Variants in ZNF704 observed in about 807,000 individuals in gnomAD.
ZNF704 encodes zinc finger protein 704.
Under a neutral mutation model 44.7 loss-of-function variants are expected in ZNF704, and 10 were observed. The observed-to-expected ratio is 0.22, with a 90% confidence interval of 0.14 to 0.38. The LOEUF is 0.38. Among genes scored for constraint, ZNF704 ranks in the 10% least tolerant of loss-of-function variants. ZNF704 has a pLI of 1.00. For missense variants in ZNF704, 390 were observed against 545.5 expected (o/e 0.71, Z 2.84); for synonymous variants, 211 against 207.6 (o/e 1.02, Z -0.14).
At chr8:80,702,682 G>T (rs1319982254) in intron 2 of ZNF704, among the ~76,000 whole-genome samples, 1 of 152,158 alleles carries the variant, frequency 6.6e-6, no homozygotes, top group Non-Finnish European at 1.5e-5. Context: ...CAAAAGCGAA[G>T]GCGAGATGGA....
the ZNF704 span, among the ~76,000 whole-genome samples, chr8:80,881,850 C>A: frequency 6.6e-6 from 1 of 152,130 alleles, no homozygotes; most frequent in Non-Finnish European, 1.5e-5. Flanking sequence ...ATCACTTAAA[C>A]CTGGGTGGTG....
intron 2 of ZNF704, among the ~76,000 whole-genome samples, chr8:80,710,588 G>T (rs1028428357): frequency 5.9e-5 from 9 of 152,120 alleles, no homozygotes; most frequent in Admixed American, 2.0e-4. Context: ...TTTCGATGAG[G>T]TCATGAAGGT....
intron 4 of ZNF704, among the ~76,000 whole-genome samples, chr8:80,685,686 G>A (rs938741637): frequency 1.3e-5 from 2 of 152,220 alleles, no homozygotes; most frequent in African/African-American, 4.8e-5. Flanking sequence ...CTGCCTCTGG[G>A]AAGGTCAGGG....
chr8:80,836,815 A>T (rs1219622568), intron 1 of ZNF704, among the ~76,000 whole-genome samples: 1 of 152,118 alleles, frequency 6.6e-6, no homozygotes, highest in Non-Finnish European at 1.5e-5. Flanking sequence ...ACTAAACAGA[A>T]TTATCTTTCT....
At chr8:80,795,544 T>C (rs1807783899) in intron 2 of ZNF704, among the ~76,000 whole-genome samples, 1 of 151,642 alleles carries the variant, frequency 6.6e-6, no homozygotes, top group African/African-American at 2.4e-5. Context: ...TTATGTTAAG[T>C]TAAAAAAAAA....
chr8:80,773,290 T>C (rs1231865047), intron 2 of ZNF704, among the ~76,000 whole-genome samples: 1 of 152,238 alleles, frequency 6.6e-6, no homozygotes, highest in Non-Finnish European at 1.5e-5. Context: ...TCCCTTTGTA[T>C]AGCTTTCTTT....
Position 80,645,215 on chromosome 8 carries a change from C to T in ZNF704, c.1033-2086G>A, listed in dbSNP as rs117370142. The T allele has an allele frequency of 4.2e-3, 6,452 of 1,548,058 alleles. 25 individuals are homozygous for T. Among genetic ancestry groups the T allele is most frequent in the South Asian group, 4.7e-3 (395 of 83,996 alleles). ...GCCTTCAGCCCCGCGCCGCCAACCT[C>T]CCGGAAAAAGAATGTTTCAACTAAT... is the stretch of plus-strand genomic sequence containing the variant. On this transcript the variant is annotated intron_variant, in intron 7 of 8. Coordinates refer to ENST00000327835, the MANE Select transcript of ZNF704 (RefSeq NM_001033723.3).
intron 2 of ZNF704, among the ~76,000 whole-genome samples, chr8:80,752,819 G>A (rs1348773464): frequency 2.0e-5 from 3 of 152,176 alleles, no homozygotes; most frequent in African/African-American, 7.2e-5. Flanking sequence ...GGGATTACAG[G>A]CATGAGCCAC....
chr8:80,692,092 T>C (rs187813450), intron 3 of ZNF704, among the ~76,000 whole-genome samples: 190 of 152,286 alleles, frequency 1.2e-3, no homozygotes, highest in Middle Eastern at 6.8e-3. Context: ...AGTGCTCCCA[T>C]AGCCTCAGCA....
chr8:80,684,291 A>G (rs771408944), intron 4 of ZNF704, among the ~76,000 whole-genome samples: 1 of 152,202 alleles, frequency 6.6e-6, no homozygotes, highest in South Asian at 2.1e-4. Context: ...TAAGAAATAC[A>G]TTTTGCACAG....
At chr8:80,839,619 A>G (rs16908073) in intron 1 of ZNF704, among the ~76,000 whole-genome samples, 3,792 of 152,332 alleles carry the variant, frequency 0.025, 74 homozygotes, top group Non-Finnish European at 0.04. Context: ...TATATAAGAG[A>G]GTAGATAGAA....
chr8:80,883,523 A>T, the ZNF704 span, among the ~76,000 whole-genome samples: 7 of 152,242 alleles, frequency 4.6e-5, no homozygotes, highest in East Asian at 1.3e-3. Context: ...TAGAAGTTTT[A>T]ATTTTATTTA....
chr8:80,701,116 G>A (rs1261864237), intron 2 of ZNF704, among the ~76,000 whole-genome samples: 10 of 151,980 alleles, frequency 6.6e-5, no homozygotes, highest in Admixed American at 6.6e-4. Flanking sequence ...CTGCTCCACT[G>A]GCCCAGAAGA....
intron 1 of ZNF704, among the ~76,000 whole-genome samples, chr8:80,865,118 T>C (rs540519628): frequency 1.2e-4 from 19 of 152,172 alleles, no homozygotes; most frequent in Non-Finnish European, 2.4e-4. Context: ...AATAAGGAGG[T>C]TGTAACAGTC....
At chr8:80,818,441 C>T (rs1808212518) in intron 2 of ZNF704, among the ~76,000 whole-genome samples, 2 of 152,102 alleles carry the variant, frequency 1.3e-5, no homozygotes, top group South Asian at 4.1e-4. Flanking sequence ...AGCAGATGCT[C>T]AAGTCTCTTA....
At chr8:80,765,580 C>T (rs1308246144) in intron 2 of ZNF704, among the ~76,000 whole-genome samples, 3 of 152,074 alleles carry the variant, frequency 2.0e-5, no homozygotes, top group Admixed American at 2.0e-4. Context: ...TGCATATAGC[C>T]GAAAACTCAC....
At position 80,633,921 on chromosome 8, in the gene ZNF704, G is replaced by T. The variant is rs1585909511; in HGVS notation, c.*7445C>A. 6.6e-6 allele frequency: 1 copy of T among 152,308 alleles called. No homozygotes were observed. Among genetic ancestry groups the T allele is most frequent in the South Asian group, 2.1e-4 (1 of 4,830 alleles). 9.4% of individuals were successfully genotyped at this position (152,308 alleles called of 1,614,324 possible). ...CCTCAAAGATGCTAGGGTTTTGTAT[G>T]TGGAAAAACCTCCTTTTGAGGTTAG... On this transcript the variant is annotated 3_prime_UTR_variant, in exon 9 of 9. Transcript: ENST00000327835.
intron 1 of ZNF704, among the ~76,000 whole-genome samples, chr8:80,847,380 T>G (rs1033205046): frequency 3.3e-5 from 5 of 152,070 alleles, no homozygotes; most frequent in Non-Finnish European, 7.4e-5. Flanking sequence ...AGAGTCAACA[T>G]AGTAAAAATG....
At chr8:80,691,637 T>C (rs541066861) in intron 3 of ZNF704, among the ~76,000 whole-genome samples, 3 of 152,204 alleles carry the variant, frequency 2.0e-5, no homozygotes, top group Admixed American at 1.3e-4. Flanking sequence ...TCTCTCATGA[T>C]GATCTCATCT....
Sources: gnomAD v4.1 joint callset for allele counts (sites outside exome capture counted in the v4.1 genomes callset) on GRCh38, gnomAD v4.1.1 for gene constraint, MANE v1.5 for transcripts, NCBI Gene and HGNC (gene_info 2026-07-23, HGNC 2026-07-21) for gene names.